The following DACH1 variants were observed in gnomAD, a reference collection of about 807,000 sequenced individuals.
The protein encoded by DACH1 is dachshund homolog 1.
DACH1 carries 12 observed loss-of-function variants against 54.2 expected under a neutral mutation model. That is an observed-to-expected ratio of 0.22 (90% confidence interval 0.14 to 0.36). DACH1 has a LOEUF of 0.36. Ranked by LOEUF, DACH1 falls within the 10% of genes least tolerant of loss-of-function variation. The probability of loss-of-function intolerance (pLI) is 1.00; values close to 1 mark genes in which losing one functional copy is unlikely to be tolerated. For synonymous variants in DACH1, 386 were observed against 366.2 expected (o/e 1.05, Z -0.62); for missense variants, 805 against 929.8 (o/e 0.87, Z 1.75).
Position 71,583,128 on chromosome 13 carries a change from A to C in DACH1, c.1127-10116T>G, listed in dbSNP as rs1593933938. Among the ~76,000 whole-genome samples the C allele has an allele frequency of 2.0e-5, 3 of 152,336 alleles. 1 individual carries two copies. The highest frequency in any genetic ancestry group is 7.2e-5 in the African/African-American group (3 of 41,598). On this transcript the variant is annotated intron_variant, in intron 3 of 10. Coordinates refer to ENST00000613252, the MANE Select transcript of DACH1 (RefSeq NM_080759.6). ...ACATTTTTATTCTTTTTATTTTAAA[A>C]ATGATCTAATTTAATTATTGTAACC...
chr13:71,531,171 G>GT (rs1322972295), intron 6 of DACH1, among the ~76,000 whole-genome samples: 1 of 152,036 alleles, frequency 6.6e-6, no homozygotes, highest in Admixed American at 6.6e-5. Context: ...TAGGAGGAGA[G>GT]TATTCCTCTA....
At chr13:71,823,254 C>A (rs1048470280) in intron 1 of DACH1, among the ~76,000 whole-genome samples, 3 of 151,962 alleles carry the variant, frequency 2.0e-5, no homozygotes, top group African/African-American at 7.2e-5. Flanking sequence ...TTAAAAATAT[C>A]CAGCAATCAG....
At position 71,439,357 on chromosome 13, in the gene DACH1, G is replaced by T. The variant is rs1873803171; in HGVS notation, c.*1298C>A. 6.6e-6 allele frequency: 1 copy of T among 152,440 alleles called. No individual in the cohort carries two copies. The highest frequency in any genetic ancestry group is 6.6e-5 in the Admixed American group (1 of 15,242). The allele number at this position is 152,440 out of a possible 1,614,324, so 9.4% of individuals were successfully genotyped here. On this transcript the variant is annotated 3_prime_UTR_variant, in exon 11 of 11. Transcript: ENST00000613252. The stretch of plus-strand genomic sequence containing the variant: ...CTGCACGAAAGTGAAAACACATACT[G>T]TAACTTTCAAAAAGACAGTGAAAAT...
At chr13:71,552,834 TATATATATAGAGAGAGAGAGAGAGAG>T (rs1463668536) in intron 6 of DACH1, among the ~76,000 whole-genome samples, 2 of 33,188 alleles carry the variant, frequency 6.0e-5, no homozygotes, top group African/African-American at 2.7e-4. Flanking sequence ...TATATATATA[TATATATATAGAGAGAGAGAGAGAGAG>T]AGAGAGAGAG....
At chr13:71,484,535 G>C (rs1317431732) in intron 7 of DACH1, among the ~76,000 whole-genome samples, 1 of 152,084 alleles carries the variant, frequency 6.6e-6, no homozygotes, top group Non-Finnish European at 1.5e-5. Context: ...TTCCATGTAG[G>C]TAGACTATAG....
In DACH1 at chr13:71,571,565, T is replaced by C. The variant is rs545097057; in HGVS notation, c.1299+1275A>G. Among the ~76,000 whole-genome samples the C allele has an allele frequency of 2.6e-5, 4 of 152,286 alleles. No homozygotes were observed. The East Asian group carries it at 7.7e-4, about 29-fold the overall frequency. ...CTCTGAGGTGGTGATCTTTGAGTAG[T>C]TGATCCAGGTCTTCTGTGAGACTTT... On this transcript the variant is annotated intron_variant, in intron 4 of 10. Transcript: ENST00000613252.
Position 71,630,587 on chromosome 13 carries a change from G to A in DACH1, c.1095C>T (p.Asp365=). The A allele has an allele frequency of 6.3e-7, 1 of 1,598,924 alleles. No individual in the cohort carries two copies. Among genetic ancestry groups the A allele is most frequent in the African/African-American group, 1.3e-5 (1 of 74,106 alleles). The change falls in exon 3 of 11, where the codon GAC becomes GAT. Residue 365 remains aspartate (D), a synonymous_variant. Transcript: ENST00000613252. ...TTGAATTCATGTCCCCGTTTTCAGA[G>A]TCTGCTCCATGTTGGTTATTACTGG... ...YHASNNQHGA[D]SENGDMNSSV...
intron 1 of DACH1, among the ~76,000 whole-genome samples, chr13:71,744,034 G>A (rs1214697012): frequency 5.9e-5 from 9 of 152,088 alleles, no homozygotes; most frequent in African/African-American, 2.2e-4. Context: ...CAGATAAGGT[G>A]TAAATAAGGA....
At chr13:71,513,707 C>T (rs923549478) in intron 6 of DACH1, among the ~76,000 whole-genome samples, 5 of 151,970 alleles carry the variant, frequency 3.3e-5, no homozygotes, top group Non-Finnish European at 7.4e-5. Context: ...ACAATTGATC[C>T]ATTTTCAAGG....
chr13:71,506,942 C>T (rs1287917137), intron 6 of DACH1, among the ~76,000 whole-genome samples: 9 of 151,292 alleles, frequency 5.9e-5, no homozygotes, highest in Admixed American at 5.3e-4. Context: ...AGACCTAAAA[C>T]CATAAAAACC....
intron 1 of DACH1, among the ~76,000 whole-genome samples, chr13:71,814,007 C>T (rs1887819242): frequency 6.6e-6 from 1 of 152,138 alleles, no homozygotes. Context: ...TATTTGAGGG[C>T]AAAGGATAAA....
At position 71,650,658 on chromosome 13, in the gene DACH1, C is replaced by A. The variant is rs570985848; in HGVS notation, c.965-19941G>T. Among the ~76,000 whole-genome samples, 5 of 152,200 alleles carry A rather than the reference C, an allele frequency of 3.3e-5. No individual in the cohort carries two copies. The East Asian group carries it at 9.7e-4, about 29-fold the overall frequency. ...CAAAACAACTTTTAAAACAGAAAATCAGGGATTTGTAGAATTCTAAGAGAC... is the reference window on the plus strand; with the variant it reads ...CAAAACAACTTTTAAAACAGAAAATAAGGGATTTGTAGAATTCTAAGAGAC... On this transcript the variant is annotated intron_variant, in intron 2 of 10. Transcript: ENST00000613252.
At chr13:71,775,738 A>G (rs1288545091) in intron 1 of DACH1, among the ~76,000 whole-genome samples, 1 of 152,182 alleles carries the variant, frequency 6.6e-6, no homozygotes, top group African/African-American at 2.4e-5. Flanking sequence ...AGTAAACAGA[A>G]CTGAATTTAA....
chr13:71,669,803 A>G (rs1025262301), intron 2 of DACH1, among the ~76,000 whole-genome samples: 4 of 152,168 alleles, frequency 2.6e-5, no homozygotes, highest in East Asian at 1.9e-4. Context: ...ACTAGAACAT[A>G]ATAGGTACCA....
chr13:71,553,725 T>C (rs185593249), intron 6 of DACH1, among the ~76,000 whole-genome samples: 24 of 149,564 alleles, frequency 1.6e-4, no homozygotes, highest in African/African-American at 1.9e-4. Flanking sequence ...TATGTGAGCA[T>C]ACTTTATTTT....
chr13:71,779,211 A>ATATACG (rs2138059293), intron 1 of DACH1, among the ~76,000 whole-genome samples: 1 of 109,888 alleles, frequency 9.1e-6, no homozygotes, highest in South Asian at 2.6e-4. Flanking sequence ...ATATGTGTAT[A>ATATACG]TATATACGTA....
Position 71,681,859 on chromosome 13 carries a change from C to T in DACH1, c.900G>A (p.Glu300=), listed in dbSNP as rs148288565. ...PKRTQSVTSP[E]NSHIMPHSVP... is the part of the protein sequence containing the mutation. ...CAGAATGCGGCATGATGTGAGAGTT[C>T]TCTGGGGAGGTGACACTTTGAGTCC... Residue 300 remains glutamate, a synonymous_variant, in exon 2 of 11, where the codon GAG becomes GAA. Coordinates refer to ENST00000613252, the MANE Select transcript of DACH1 (RefSeq NM_080759.6). 4 of 1,613,950 alleles carry T rather than the reference C, an allele frequency of 2.5e-6. No individual in the cohort carries two copies. Among genetic ancestry groups the T allele is most frequent in the Non-Finnish European group, 3.4e-6 (4 of 1,179,902 alleles).
chr13:71,475,230 G>A (rs1197790982), intron 9 of DACH1, 21 bp from the exon 10 acceptor site: 14 of 1,601,100 alleles, frequency 8.7e-6, no homozygotes, highest in Non-Finnish European at 1.2e-5. Flanking sequence ...AGAAAGGTAA[G>A]AGTGACACAT....
chr13:71,486,705 T>A (rs373436631), intron 7 of DACH1, among the ~76,000 whole-genome samples: 4 of 152,328 alleles, frequency 2.6e-5, no homozygotes, highest in South Asian at 4.1e-4. Context: ...TATATGCATA[T>A]GCATATTAGA....
Sources: gnomAD v4.1 joint callset for allele counts (sites outside exome capture counted in the v4.1 genomes callset) on GRCh38, gnomAD v4.1.1 for gene constraint, MANE v1.5 for transcripts, NCBI Gene and HGNC (gene_info 2026-07-23, HGNC 2026-07-21) for gene names.